NTM: variants seen among roughly 807,000 people sequenced by gnomAD.
The protein encoded by NTM is neurotrimin.
In NTM, 13 loss-of-function variants were observed where a neutral mutation model predicts 42.1. The observed-to-expected ratio is 0.31, with a 90% CI of 0.20 to 0.49. The LOEUF is 0.49. Ranked by LOEUF, NTM falls within the 20% of genes least tolerant of loss-of-function variation. The pLI is 0.99. For synonymous variants in NTM, 187 were observed against 179.2 expected (o/e 1.04, Z -0.35); for missense variants, 373 against 452.8 (o/e 0.82, Z 1.60).
chr11:131,482,852 TAAAA>T (rs1953755261), intron 1 of NTM, among the ~76,000 whole-genome samples: 2 of 152,162 alleles, frequency 1.3e-5, no homozygotes, highest in Non-Finnish European at 1.5e-5. Context: ...AATGAGAAAG[TAAAA>T]TTCACTATGG....
intron 2 of NTM, among the ~76,000 whole-genome samples, chr11:132,076,743 T>C (rs2058417978): frequency 6.6e-6 from 1 of 152,138 alleles, no homozygotes; most frequent in African/African-American, 2.4e-5. Context: ...TTTCTATTTA[T>C]AAAATAATTA....
intron 2 of NTM, among the ~76,000 whole-genome samples, chr11:132,123,424 C>T (rs1430397225): frequency 2.0e-5 from 3 of 152,136 alleles, no homozygotes; most frequent in Non-Finnish European, 4.4e-5. Flanking sequence ...CTCTGGAAGC[C>T]TCACTAGGAG....
Position 131,538,391 on chromosome 11 carries a change from T to C in NTM, c.82+167503T>C, listed in dbSNP as rs530000489. ...ATTGGTGTCTGCAGAATCTTATTTT[T>C]CTTATTGCTGTGCTATGTGGGTTCT... On this transcript the variant is annotated intron_variant, in intron 1 of 8. Transcript: ENST00000683400. 13 of 152,366 alleles carry C rather than the reference T, an allele frequency of 8.5e-5. No homozygotes were observed. In the East Asian group the frequency reaches 2.3e-3, roughly 27 times the overall value. The allele number at this position is 152,366 out of a possible 1,614,324, so 9.4% of individuals were successfully genotyped here. A position where few individuals can be genotyped will look rare whatever the true frequency, so the allele number is the denominator to read the frequency against.
intron 4 of NTM, among the ~76,000 whole-genome samples, chr11:132,232,474 C>A (rs1185553435): frequency 1.3e-5 from 2 of 152,184 alleles, no homozygotes; most frequent in Non-Finnish European, 2.9e-5. Flanking sequence ...AGCTTTTAAC[C>A]TGATGTCCCA....
chr11:131,549,917 G>A (rs1000400819), intron 1 of NTM, among the ~76,000 whole-genome samples: 2 of 152,208 alleles, frequency 1.3e-5, no homozygotes, highest in African/African-American at 4.8e-5. Context: ...CCGTGCCCAC[G>A]TGTGCATATC....
rs115071776 is a variant in NTM at position 131,903,887 on chromosome 11, C to T, written c.83-7677C>T. ...TTTAATTCTGCAAAAGTGCATTAAC[C>T]CATTTGAGTGAATTAGTCATTAGAC... On this transcript the variant is annotated intron_variant, in intron 1 of 8. Coordinates refer to ENST00000683400, the MANE Select transcript of NTM (RefSeq NM_001352005.2). Among the ~76,000 whole-genome samples, 518 of 152,214 alleles carry T rather than the reference C, an allele frequency of 3.4e-3. 2 individuals carry two copies. Among genetic ancestry groups the T allele is most frequent in the African/African-American group, 0.012 (488 of 41,540 alleles).
At chr11:131,930,018 G>A (rs7120678) in intron 2 of NTM, among the ~76,000 whole-genome samples, 11,201 of 152,122 alleles carry the variant, frequency 0.074, 1,362 homozygotes, top group African/African-American at 0.25. Context: ...CTGTTCATTT[G>A]GTGTTGATGT....
At chr11:131,760,184 T>C (rs1272187314) in intron 1 of NTM, among the ~76,000 whole-genome samples, 2 of 152,130 alleles carry the variant, frequency 1.3e-5, no homozygotes, top group African/African-American at 4.8e-5. Context: ...ACTGGAAGTG[T>C]TGATAGAGGG....
chr11:131,525,338 A>G, intron 1 of NTM, among the ~76,000 whole-genome samples: 1 of 152,174 alleles, frequency 6.6e-6, no homozygotes, highest in East Asian at 1.9e-4. Flanking sequence ...CATCCTGTAC[A>G]TTGGAAGCTC....
At chr11:132,156,647 T>C (rs961271293) in intron 3 of NTM, among the ~76,000 whole-genome samples, 2 of 152,214 alleles carry the variant, frequency 1.3e-5, no homozygotes, top group African/African-American at 4.8e-5. Flanking sequence ...ATCTGTAAAG[T>C]TTCTTTTTTA....
At chr11:132,092,996 C>T (rs1001750288) in intron 2 of NTM, among the ~76,000 whole-genome samples, 4 of 152,212 alleles carry the variant, frequency 2.6e-5, no homozygotes, top group African/African-American at 4.8e-5. Flanking sequence ...ATTCATTCTC[C>T]ATGCTGCAGC....
Position 131,607,952 on chromosome 11 carries a change from G to A in NTM, c.82+237064G>A, listed in dbSNP as rs1031959905. ...AAGTTCTAGGGTACATGTGCACAAC[G>A]TGCAGGTTTGTTACATATGCATACG... On this transcript the variant is annotated intron_variant, in intron 1 of 8. Coordinates refer to ENST00000683400, the MANE Select transcript of NTM (RefSeq NM_001352005.2). Among the ~76,000 whole-genome samples the A allele has an allele frequency of 5.3e-5, 8 of 151,750 alleles. No homozygotes were observed. In the East Asian group the frequency reaches 5.8e-4, roughly 11 times the overall value.
intron 4 of NTM, among the ~76,000 whole-genome samples, chr11:132,270,648 T>A (rs1300299092): frequency 7.2e-6 from 1 of 138,896 alleles, no homozygotes; most frequent in African/African-American, 2.6e-5. Flanking sequence ...TATAAATTTA[T>A]TTTTATTTTT....
At chr11:131,672,642 A>T (rs542598791) in intron 1 of NTM, among the ~76,000 whole-genome samples, 99 of 152,156 alleles carry the variant, frequency 6.5e-4, no homozygotes, top group African/African-American at 1.8e-3. Flanking sequence ...TCATATATAT[A>T]TTTTCCCACT....
At chr11:131,790,524 GC>G (rs1392396167) in intron 1 of NTM, among the ~76,000 whole-genome samples, 2 of 152,136 alleles carry the variant, frequency 1.3e-5, no homozygotes, top group African/African-American at 4.8e-5. Flanking sequence ...GGCCTCAGAG[GC>G]AAGAAGGATG....
At chr11:132,219,936 A>C (rs1285654863) in intron 4 of NTM, among the ~76,000 whole-genome samples, 2 of 152,196 alleles carry the variant, frequency 1.3e-5, no homozygotes, top group African/African-American at 2.4e-5. Flanking sequence ...AAATGGATAG[A>C]TATTCAAAGG....
chr11:131,946,768 CTT>C (rs2060391550), intron 2 of NTM, among the ~76,000 whole-genome samples: 1 of 152,156 alleles, frequency 6.6e-6, no homozygotes. Context: ...ATAAATTAAC[CTT>C]GTTTCTTTTA....
At chr11:132,119,406 T>C (rs578007225) in intron 2 of NTM, among the ~76,000 whole-genome samples, 33 of 151,990 alleles carry the variant, frequency 2.2e-4, no homozygotes, top group Non-Finnish European at 3.1e-4. Context: ...TATCAAAGAG[T>C]GGAGCTGGGG....
intron 1 of NTM, among the ~76,000 whole-genome samples, chr11:131,723,850 AAG>A (rs1384246649): frequency 6.6e-6 from 1 of 151,974 alleles, no homozygotes; most frequent in African/African-American, 2.4e-5. Context: ...GTGCATGAGA[AAG>A]AGAGACAGAC....
Sources: gnomAD v4.1 joint callset for allele counts (sites outside exome capture counted in the v4.1 genomes callset) on GRCh38, gnomAD v4.1.1 for gene constraint, MANE v1.5 for transcripts, NCBI Gene and HGNC (gene_info 2026-07-23, HGNC 2026-07-21) for gene names.